MAP3K20: variants seen among roughly 807,000 people sequenced by gnomAD.
MAP3K20 encodes the protein mitogen-activated protein kinase kinase kinase 20.
Under a neutral mutation model 85.7 loss-of-function variants are expected in MAP3K20, and 40 were observed. That is an observed-to-expected ratio of 0.47 (90% CI 0.36 to 0.61). The LOEUF is 0.61. MAP3K20 is among the 20% of genes least tolerant of loss of function. The pLI is 0.00. For synonymous variants in MAP3K20, 325 were observed against 327.7 expected, an observed-to-expected ratio of 0.99 and a Z score of 0.09; for missense variants, 817 against 961.7, an observed-to-expected ratio of 0.85 and a Z score of 1.99.
chr2:173,262,615 A>G (rs377108014), intron 18 of MAP3K20, among the ~76,000 whole-genome samples: 60 of 152,142 alleles, frequency 3.9e-4, no homozygotes, highest in Middle Eastern at 3.4e-3. Flanking sequence ...GAAAAAAAAA[A>G]AGAAAAGCAA....
intron 2 of MAP3K20, among the ~76,000 whole-genome samples, chr2:173,096,984 G>A (rs907688624): frequency 1.3e-5 from 2 of 152,182 alleles, no homozygotes; most frequent in Non-Finnish European, 2.9e-5. Context: ...TAGAAGTGGT[G>A]CAGAAAGACA....
intron 15 of MAP3K20, among the ~76,000 whole-genome samples, chr2:173,238,931 T>G (rs1684717136): frequency 6.6e-6 from 1 of 152,220 alleles, no homozygotes; most frequent in African/African-American, 2.4e-5. Flanking sequence ...CTTTACTTAT[T>G]CACTAACAGC....
intron 11 of MAP3K20, chr2:173,224,264 G>T: frequency 4.1e-6 from 4 of 985,340 alleles, no homozygotes; most frequent in Non-Finnish European, 4.8e-6. Context: ...GATCTTTGGG[G>T]CTAACTTCGG....
intron 2 of MAP3K20, among the ~76,000 whole-genome samples, chr2:173,121,990 A>G (rs1559240098): frequency 6.6e-6 from 1 of 152,218 alleles, no homozygotes; most frequent in Non-Finnish European, 1.5e-5. Context: ...CGCAGAGCAT[A>G]TAATTGTATT....
At chr2:173,195,923 G>T (rs1473951265) in intron 7 of MAP3K20, among the ~76,000 whole-genome samples, 4 of 152,140 alleles carry the variant, frequency 2.6e-5, no homozygotes, top group African/African-American at 9.7e-5. Context: ...AGCTCTCAGA[G>T]AAATATAACT....
At chr2:173,173,260 T>G (rs1173374494) in intron 3 of MAP3K20, among the ~76,000 whole-genome samples, 1 of 151,666 alleles carries the variant, frequency 6.6e-6, no homozygotes, top group Non-Finnish European at 1.5e-5. Flanking sequence ...AAGGAGTTGC[T>G]GGATACCAGA....
chr2:173,158,529 C>G (rs1371239846), intron 2 of MAP3K20, among the ~76,000 whole-genome samples: 1 of 152,084 alleles, frequency 6.6e-6, no homozygotes, highest in African/African-American at 2.4e-5. Flanking sequence ...TGTCAAAGTG[C>G]TATATTTAGG....
At chr2:173,157,643 A>G (rs1042926709) in intron 2 of MAP3K20, among the ~76,000 whole-genome samples, 11 of 152,242 alleles carry the variant, frequency 7.2e-5, no homozygotes, top group African/African-American at 2.7e-4. Context: ...GCACTTAGCT[A>G]ATCAGATTGT....
chr2:173,084,352 C>T (rs77055260), intron 1 of MAP3K20, among the ~76,000 whole-genome samples: 2,361 of 151,324 alleles, frequency 0.016, 59 homozygotes, highest in African/African-American at 0.054. Flanking sequence ...GGAGGGGATG[C>T]TCCAGCACCC....
chr2:173,260,746 C>T (rs1685273401), intron 17 of MAP3K20, among the ~76,000 whole-genome samples: 1 of 152,206 alleles, frequency 6.6e-6, no homozygotes, highest in African/African-American at 2.4e-5. Flanking sequence ...AGTTTTCCAA[C>T]TGATGCTTCA....
At chr2:173,098,206 A>C (rs185431602) in intron 2 of MAP3K20, among the ~76,000 whole-genome samples, 1,752 of 152,348 alleles carry the variant, frequency 0.011, 21 homozygotes, top group Middle Eastern at 0.024. Flanking sequence ...TAGTTTCTAT[A>C]ATAACTCGTC....
In MAP3K20 at chr2:173,266,375, A is replaced by G. The variant is rs1422468249; in HGVS notation, c.2028A>G (p.Arg676=). The G allele has an allele frequency of 6.2e-7, 1 of 1,614,152 alleles. No individual in the cohort carries two copies. The highest frequency in any genetic ancestry group is 1.1e-5 in the South Asian group (1 of 91,080). Reference sequence around the variant, plus strand: ...CAGAGAGGGGTCGATACTCAGACAGAAGCAGGAACAAATATGGACGTGGTA... The same window carrying G: ...CAGAGAGGGGTCGATACTCAGACAGGAGCAGGAACAAATATGGACGTGGTA... ...TSSERGRYSD[R]SRNKYGRGSI... Residue 676 remains arginine, a synonymous_variant, in exon 20 of 20, where the codon AGA becomes AGG. Coordinates refer to ENST00000375213, the MANE Select transcript of MAP3K20 (RefSeq NM_016653.3).
chr2:173,103,802 CAT>C (rs1297318569), intron 2 of MAP3K20, among the ~76,000 whole-genome samples: 5 of 152,132 alleles, frequency 3.3e-5, no homozygotes, highest in Non-Finnish European at 7.4e-5. Flanking sequence ...AAGTACAAAA[CAT>C]ACCTGATTTG....
At chr2:173,111,150 T>C (rs1162523104) in intron 2 of MAP3K20, among the ~76,000 whole-genome samples, 1 of 152,244 alleles carries the variant, frequency 6.6e-6, no homozygotes, top group Non-Finnish European at 1.5e-5. Flanking sequence ...GATATCACAC[T>C]GTGGTTTTGA....
At chr2:173,176,450 T>C (rs940917226) in intron 3 of MAP3K20, among the ~76,000 whole-genome samples, 1 of 152,012 alleles carries the variant, frequency 6.6e-6, no homozygotes, top group African/African-American at 2.4e-5. Context: ...TTGGAGAAAA[T>C]CTTCTATATT....
intron 2 of MAP3K20, among the ~76,000 whole-genome samples, chr2:173,128,159 C>A (rs1688497612): frequency 6.6e-6 from 1 of 152,078 alleles, no homozygotes; most frequent in Non-Finnish European, 1.5e-5. Flanking sequence ...TCCTCTGACA[C>A]AAGGTTCATC....
At chr2:173,229,617 A>G (rs10193498) in intron 11 of MAP3K20, 72 bp from the exon 12 acceptor site, 1 of 1,592,736 alleles carries the variant, frequency 6.3e-7, no homozygotes. Context: ...AAAGAGTGAG[A>G]CAAGAGGATG....
chr2:173,153,900 T>C (rs1689377428), intron 2 of MAP3K20, among the ~76,000 whole-genome samples: 1 of 152,254 alleles, frequency 6.6e-6, no homozygotes, highest in African/African-American at 2.4e-5. Context: ...GTTGTATTGT[T>C]ATTTTTAAAT....
rs541093995 is a variant in MAP3K20, at chr2:173,256,630, C to T, written c.1360-2069C>T. Reference sequence around the variant, plus strand: ...TTATTTTCCTTTGTTTATCCCCAAACGTTTTTATTATTAAATTATTTATAC... The same window carrying T: ...TTATTTTCCTTTGTTTATCCCCAAATGTTTTTATTATTAAATTATTTATAC... On this transcript the variant is annotated intron_variant, in intron 16 of 19. Coordinates refer to ENST00000375213, the MANE Select transcript of MAP3K20 (RefSeq NM_016653.3). 1.2e-4 allele frequency among the ~76,000 whole-genome samples: 19 copies of T among 152,144 alleles called. No individual in the cohort carries two copies. The East Asian group carries it at 3.1e-3, about 25-fold the overall frequency.
Sources: gnomAD v4.1 joint callset for allele counts (sites outside exome capture counted in the v4.1 genomes callset) on GRCh38, gnomAD v4.1.1 for gene constraint, MANE v1.5 for transcripts, NCBI Gene and HGNC (gene_info 2026-07-23, HGNC 2026-07-21) for gene names.